PHAF1: variants seen among roughly 807,000 people sequenced by gnomAD.
The protein encoded by PHAF1 is phagophore assembly factor 1.
A neutral mutation model predicts 63.1 loss-of-function variants in PHAF1; 23 were observed. The ratio of observed to expected loss-of-function variants is 0.36; its 90% CI spans 0.26 to 0.52. The LOEUF (loss-of-function observed/expected upper bound fraction) is 0.52. PHAF1 is among the 20% of genes least tolerant of loss of function. The pLI is 0.93. For missense variants in PHAF1, 427 were observed against 517.2 expected (o/e 0.83, Z 1.69); for synonymous variants, 167 against 185.0 (o/e 0.90, Z 0.79).
At chr16:67,113,791 C>T (rs1380791715) in intron 1 of PHAF1, among the ~76,000 whole-genome samples, 1 of 151,256 alleles carries the variant, frequency 6.6e-6, no homozygotes, top group Admixed American at 6.6e-5. Context: ...CTCTGTCGCC[C>T]AGGCTGGAGT....
At chr16:67,124,023 G>A (rs889770787) in intron 2 of PHAF1, among the ~76,000 whole-genome samples, 2 of 151,928 alleles carry the variant, frequency 1.3e-5, no homozygotes, top group African/African-American at 2.4e-5. Flanking sequence ...GAGATATAAA[G>A]TATTAATAAA....
chr16:67,146,993 C>T (rs779080439), intron 15 of PHAF1, 52 bp from the exon 16 acceptor site: 18 of 1,502,056 alleles, frequency 1.2e-5, no homozygotes, highest in East Asian at 2.3e-5. Context: ...ACAGGATCTG[C>T]CTACATCCCT....
At position 67,132,466 on chromosome 16, in the gene PHAF1, A is replaced by G; in HGVS notation, c.296A>G (p.Gln99Arg). ...TTCAGTGGCGTGCATTTTAATTCTC[A>G]GGCCATAGCTCCTACCATTGAACAG... ...LKYCGVHFNS[Q>R]AIAPTIEQID... Residue 99 changes from glutamine (Q) to arginine (R), a missense_variant, in exon 5 of 16, where the codon CAG becomes CGG. Transcript: ENST00000219139. 2 of 1,604,512 alleles carry G rather than the reference A, an allele frequency of 1.2e-6. No individual in the cohort carries two copies. Among genetic ancestry groups the G allele is most frequent in the Non-Finnish European group, 1.7e-6 (2 of 1,174,474 alleles).
At chr16:67,140,151 T>C (rs2064126960) in intron 9 of PHAF1, 34 bp downstream of exon 9, 1 of 1,602,050 alleles carries the variant, frequency 6.2e-7, no homozygotes, top group Non-Finnish European at 8.5e-7. Context: ...CCTCCTTTTT[T>C]TTAATCAACA....
At chr16:67,121,355 C>G (rs1197711942) in intron 2 of PHAF1, among the ~76,000 whole-genome samples, 3 of 141,824 alleles carry the variant, frequency 2.1e-5, no homozygotes, top group Non-Finnish European at 4.5e-5. Context: ...CCACACCCAG[C>G]TAATTTTTTT....
At chr16:67,110,340 C>A in intron 1 of PHAF1, 101 bp downstream of exon 1, 1 of 1,301,722 alleles carries the variant, frequency 7.7e-7, no homozygotes, top group Non-Finnish European at 1.1e-6. Flanking sequence ...GCGCCCGCAG[C>A]TCCTCACCTC....
intron 8 of PHAF1, among the ~76,000 whole-genome samples, chr16:67,137,726 C>A (rs1963662654): frequency 6.6e-6 from 1 of 152,142 alleles, no homozygotes; most frequent in African/African-American, 2.4e-5. Flanking sequence ...GGTCAAGGAT[C>A]AGGGTCATTA....
intron 1 of PHAF1, among the ~76,000 whole-genome samples, chr16:67,119,642 T>G (rs1962894068): frequency 6.7e-6 from 1 of 149,440 alleles, no homozygotes; most frequent in African/African-American, 2.5e-5. Flanking sequence ...TGCCTCAGCC[T>G]CCCGGGTAGC....
At chr16:67,125,860 T>A in intron 2 of PHAF1, 99 bp from the exon 3 acceptor site, 1 of 868,424 alleles carries the variant, frequency 1.2e-6, no homozygotes. Flanking sequence ...TGTCTGCACT[T>A]AGATATTCCT....
chr16:67,142,364 AC>A (rs756530185), intron 10 of PHAF1, among the ~76,000 whole-genome samples: 21 of 152,330 alleles, frequency 1.4e-4, no homozygotes, highest in Admixed American at 3.9e-4. Flanking sequence ...CCCACAGACT[AC>A]CCAGAGCTGG....
chr16:67,125,613 T>C (rs1963156916), intron 2 of PHAF1, among the ~76,000 whole-genome samples: 3 of 152,218 alleles, frequency 2.0e-5, no homozygotes, highest in South Asian at 4.1e-4. Context: ...GTAGGTTCGA[T>C]GGCAGTGAAC....
At chr16:67,135,128 G>C (rs1441307018) in intron 8 of PHAF1, 1 of 161,290 alleles carries the variant, frequency 6.2e-6, no homozygotes, top group Non-Finnish European at 1.4e-5. Context: ...CAGTGCTACT[G>C]CTCTCCCCTT....
At chr16:67,140,784 T>A (rs1434895378) in intron 10 of PHAF1, among the ~76,000 whole-genome samples, 190 bp downstream of exon 10, 1 of 152,244 alleles carries the variant, frequency 6.6e-6, no homozygotes, top group Admixed American at 6.5e-5. Context: ...GCAACCAGGA[T>A]TGCTCAGGAA....
intron 2 of PHAF1, 40 bp downstream of exon 2, chr16:67,120,234 C>A: frequency 1.3e-6 from 2 of 1,564,268 alleles, no homozygotes; most frequent in Non-Finnish European, 1.8e-6. Flanking sequence ...TAGCATCCCT[C>A]GGTAGTGAGT....
chr16:67,136,513 C>A, intron 8 of PHAF1, among the ~76,000 whole-genome samples: 1 of 134,014 alleles, frequency 7.5e-6, no homozygotes. Flanking sequence ...AGCATTTATT[C>A]GTAAATTGGG....
intron 1 of PHAF1, among the ~76,000 whole-genome samples, chr16:67,117,341 G>A (rs1467606331): frequency 2.7e-5 from 4 of 149,968 alleles, no homozygotes; most frequent in Admixed American, 6.7e-5. Context: ...GAGCCACCGC[G>A]CCCAGCCTGG....
intron 2 of PHAF1, among the ~76,000 whole-genome samples, chr16:67,125,133 A>G (rs897113876): frequency 5.3e-5 from 8 of 152,138 alleles, no homozygotes; most frequent in Admixed American, 2.0e-4. Context: ...TTTCTGACCT[A>G]CTATCTCTGT....
intron 3 of PHAF1, among the ~76,000 whole-genome samples, chr16:67,128,567 T>A (rs1038977570): frequency 6.6e-6 from 1 of 152,214 alleles, no homozygotes; most frequent in African/African-American, 2.4e-5. Context: ...TGAGGCTTTA[T>A]AAGTCACAAC....
chr16:67,145,628 G>C lies in PHAF1; in HGVS notation c.1109G>C (p.Arg370Thr). The change falls in exon 14 of 16, where the codon AGG (arginine) becomes ACG (threonine). Residue 370 changes from arginine to threonine, a missense_variant and splice_region_variant. By Grantham distance (71) the Arg-to-Thr change is moderately conservative. Coordinates refer to ENST00000219139, the MANE Select transcript of PHAF1 (RefSeq NM_025187.5). The stretch of plus-strand genomic sequence containing the variant: ...GTGGAGAAGCCTGTTGTCCTGCACA[G>C]GTGAGTGGGAGTTTGATGTCCCCGG... ...HPVEKPVVLH[R>T]SSSPNNTNPF... The C allele has an allele frequency of 6.2e-7, 1 of 1,611,528 alleles. No individual in the cohort carries two copies. Among genetic ancestry groups the C allele is most frequent in the Non-Finnish European group, 8.5e-7 (1 of 1,179,100 alleles).
Sources: allele counts gnomAD v4.1 joint callset (sites outside exome capture counted in the v4.1 genomes callset), GRCh38; gene constraint gnomAD v4.1.1; transcripts MANE v1.5; gene names NCBI Gene and HGNC (gene_info 2026-07-23, HGNC 2026-07-21).